The following NRG3 variants were observed in gnomAD, a reference collection of about 807,000 sequenced individuals.
NRG3 encodes the protein neuregulin 3.
NRG3 carries 31 observed loss-of-function variants against 66.9 expected under a neutral mutation model. The ratio of observed to expected loss-of-function variants is 0.46; its 90% CI spans 0.35 to 0.63. NRG3 has a LOEUF of 0.63. NRG3 is among the 20% of genes least tolerant of loss of function. The probability of loss-of-function intolerance (pLI) is 0.00; values close to 1 mark genes in which losing one functional copy is unlikely to be tolerated. For missense variants in NRG3, 910 were observed against 878.9 expected (o/e 1.04, Z -0.45); for synonymous variants, 393 against 359.4 (o/e 1.09, Z -1.06).
intron 1 of NRG3, among the ~76,000 whole-genome samples, chr10:82,122,555 C>T (rs889153300): frequency 7.2e-5 from 11 of 152,106 alleles, no homozygotes; most frequent in Non-Finnish European, 2.9e-5. Flanking sequence ...TCTCTCCTGC[C>T]TCAGATCCTC....
At chr10:82,702,677 CA>C (rs1188338542) in intron 2 of NRG3, among the ~76,000 whole-genome samples, 1 of 152,144 alleles carries the variant, frequency 6.6e-6, no homozygotes, top group African/African-American at 2.4e-5. Flanking sequence ...CCAACTGGCA[CA>C]AGTGTTGTTG....
chr10:82,735,010 A>G (rs900894120), intron 2 of NRG3, among the ~76,000 whole-genome samples: 4 of 151,626 alleles, frequency 2.6e-5, no homozygotes, highest in Non-Finnish European at 5.9e-5. Context: ...CTGCCTCAAA[A>G]AAAAAAAGAA....
chr10:82,671,646 T>C (rs925214388), intron 2 of NRG3, among the ~76,000 whole-genome samples: 2 of 152,194 alleles, frequency 1.3e-5, no homozygotes, highest in Non-Finnish European at 2.9e-5. Context: ...TCAACTTCTC[T>C]CCTCTGTATT....
intron 4 of NRG3, among the ~76,000 whole-genome samples, chr10:82,914,974 A>G (rs769935795): frequency 3.9e-5 from 6 of 152,188 alleles, no homozygotes; most frequent in Non-Finnish European, 7.4e-5. Flanking sequence ...TTCCCCTGCC[A>G]GATGCATTAG....
At chr10:82,551,629 A>C (rs2044314666) in intron 2 of NRG3, among the ~76,000 whole-genome samples, 1 of 151,012 alleles carries the variant, frequency 6.6e-6, no homozygotes, top group Admixed American at 6.6e-5. Flanking sequence ...AATCAGATAC[A>C]TGAGGCCACA....
chr10:82,753,945 CAAA>C (rs57793727), intron 3 of NRG3, among the ~76,000 whole-genome samples: 7 of 107,980 alleles, frequency 6.5e-5, no homozygotes, highest in Admixed American at 1.0e-4. Flanking sequence ...GACTCCATCT[CAAA>C]AAAAAAAAAA....
chr10:82,606,842 T>C (rs2047996347), intron 2 of NRG3, among the ~76,000 whole-genome samples: 1 of 152,124 alleles, frequency 6.6e-6, no homozygotes, highest in Admixed American at 6.6e-5. Context: ...CACCAAGCAA[T>C]CTGAAAACCC....
At chr10:82,581,327 A>C (rs1012194986) in intron 2 of NRG3, among the ~76,000 whole-genome samples, 2 of 152,012 alleles carry the variant, frequency 1.3e-5, no homozygotes, top group African/African-American at 4.8e-5. Context: ...TATATTTTTC[A>C]TACAAGTTCT....
rs985685205 is a variant in NRG3 at position 81,923,268 on chromosome 10, C to G, written c.823+47105C>G. ...CAATCGAATTTGGAATGCGGTGGCG[C>G]GATCTCGGCTCACTGCAAGCTCCGC... On this transcript the variant is annotated intron_variant, in intron 1 of 8. Coordinates refer to ENST00000372141, the MANE Select transcript of NRG3 (RefSeq NM_001010848.4). 3.3e-5 allele frequency among the ~76,000 whole-genome samples: 5 copies of G among 150,014 alleles called. No homozygotes were observed. The South Asian group carries it at 6.3e-4, about 19-fold the overall frequency.
intron 4 of NRG3, among the ~76,000 whole-genome samples, chr10:82,931,545 T>C (rs756653057): frequency 1.5e-4 from 23 of 152,182 alleles, no homozygotes; most frequent in Non-Finnish European, 2.9e-4. Flanking sequence ...TAGTGGAAAT[T>C]CCTATATCCT....
intron 2 of NRG3, among the ~76,000 whole-genome samples, chr10:82,721,239 C>T (rs1190128948): frequency 2.1e-5 from 3 of 141,720 alleles, no homozygotes; most frequent in Non-Finnish European, 4.5e-5. Flanking sequence ...TCACGCCATT[C>T]GTCTGCCTCA....
At chr10:82,647,652 C>T (rs1284059589) in intron 2 of NRG3, among the ~76,000 whole-genome samples, 1 of 150,114 alleles carries the variant, frequency 6.7e-6, no homozygotes, top group East Asian at 2.0e-4. Context: ...TTCTCCACAT[C>T]CTCTCCAGCA....
At chr10:82,962,416 G>A (rs192287603) in intron 6 of NRG3, among the ~76,000 whole-genome samples, 2 of 151,968 alleles carry the variant, frequency 1.3e-5, no homozygotes, top group African/African-American at 4.8e-5. Flanking sequence ...AATGAAAGAA[G>A]AAAATTGTAT....
intron 2 of NRG3, among the ~76,000 whole-genome samples, chr10:82,621,946 T>C (rs1242171145): frequency 6.6e-6 from 1 of 152,168 alleles, no homozygotes; most frequent in Non-Finnish European, 1.5e-5. Context: ...GGCTTCACTT[T>C]TCCTACCTCA....
At chr10:82,508,092 A>G (rs1366225265) in intron 2 of NRG3, among the ~76,000 whole-genome samples, 7 of 152,230 alleles carry the variant, frequency 4.6e-5, no homozygotes. Context: ...TTGTATGTGC[A>G]TTTAGTAGTC....
intron 2 of NRG3, among the ~76,000 whole-genome samples, chr10:82,464,337 A>G (rs1465609417): frequency 6.6e-6 from 1 of 152,220 alleles, no homozygotes; most frequent in Non-Finnish European, 1.5e-5. Context: ...AATTTCTGAC[A>G]CTAAGTGATA....
At chr10:82,140,072 AAAT>A in intron 1 of NRG3, among the ~76,000 whole-genome samples, 1 of 152,172 alleles carries the variant, frequency 6.6e-6, no homozygotes, top group Non-Finnish European at 1.5e-5. Context: ...CTAACAAAAA[AAAT>A]GTTCATCAGG....
At chr10:82,322,007 A>G (rs909001831) in intron 1 of NRG3, among the ~76,000 whole-genome samples, 2 of 152,176 alleles carry the variant, frequency 1.3e-5, no homozygotes, top group African/African-American at 4.8e-5. Context: ...GTGGTAAGAA[A>G]ATTTCAAAAA....
At chr10:82,910,189 A>G (rs1046165918) in intron 4 of NRG3, among the ~76,000 whole-genome samples, 1 of 152,212 alleles carries the variant, frequency 6.6e-6, no homozygotes, top group African/African-American at 2.4e-5. Flanking sequence ...ATTTGTAAAG[A>G]CTTGTGATAA....
Sources: allele counts gnomAD v4.1 joint callset (sites outside exome capture counted in the v4.1 genomes callset), GRCh38; gene constraint gnomAD v4.1.1; transcripts MANE v1.5; gene names NCBI Gene and HGNC (gene_info 2026-07-23, HGNC 2026-07-21).